VPS8: variants seen among roughly 807,000 people sequenced by gnomAD.
VPS8 encodes vacuolar protein sorting-associated protein 8 homolog.
VPS8 carries 129 observed loss-of-function variants against 216.4 expected under a neutral mutation model. The ratio of observed to expected loss-of-function variants is 0.60; its 90% CI spans 0.52 to 0.69. The LOEUF (loss-of-function observed/expected upper bound fraction) is 0.69, where lower values mean the gene tolerates loss of function less well. Among genes scored for constraint, VPS8 ranks in the 30% least tolerant of loss-of-function variants. The pLI, the probability that VPS8 is intolerant of heterozygous loss-of-function variation, is 0.00. For synonymous variants in VPS8, 571 were observed against 565.4 expected, an observed-to-expected ratio of 1.01 and a Z score of -0.14; for missense variants, 1,531 against 1,683.5, an observed-to-expected ratio of 0.91 and a Z score of 1.59.
rs773569461 is a variant in VPS8, at chr3:184,913,567, ATTGT to A, written c.2189+9_2189+12del. On this transcript the variant is annotated splice_region_variant and intron_variant, in intron 26 of 47. Coordinates refer to ENST00000625842, the MANE Select transcript of VPS8 (RefSeq NM_001009921.3). ...AAGCTCCTTGTATATATTAGGTAAG[ATTGT>A]TTTATTTATTCATCTGCATGTATGT... 9 of 1,563,576 alleles carry A rather than the reference ATTGT, an allele frequency of 5.8e-6. No homozygotes were observed. Among genetic ancestry groups the A allele is most frequent in the Non-Finnish European group, 7.8e-6 (9 of 1,151,760 alleles).
At chr3:185,025,213 C>T (rs1757182761) in intron 46 of VPS8, among the ~76,000 whole-genome samples, 1 of 152,164 alleles carries the variant, frequency 6.6e-6, no homozygotes, top group South Asian at 2.1e-4. Flanking sequence ...CTGAGTGATG[C>T]ATAGATGATG....
Position 184,911,772 on chromosome 3 carries a change from A to T in VPS8, c.2147-1747A>T, listed in dbSNP as rs9682273. On this transcript the variant is annotated intron_variant, in intron 25 of 47. Coordinates refer to ENST00000625842, the MANE Select transcript of VPS8 (RefSeq NM_001009921.3). ...ATCTGGCCCCCTTGATTTACAAGAC[A>T]TTAAGGACTCCTTACCCACCCCTCT... Among the ~76,000 whole-genome samples, 711 of 152,294 alleles carry T rather than the reference A, an allele frequency of 4.7e-3. 7 individuals are homozygous for T. Among genetic ancestry groups the T allele is most frequent in the African/African-American group, 0.016 (667 of 41,556 alleles).
intron 45 of VPS8, among the ~76,000 whole-genome samples, chr3:185,017,489 C>T (rs1449334152): frequency 6.6e-6 from 1 of 152,172 alleles, no homozygotes; most frequent in African/African-American, 2.4e-5. Flanking sequence ...ACGGCACAAT[C>T]AGGAGCTGTG....
At chr3:184,830,179 A>C (rs1719689721) in intron 3 of VPS8, among the ~76,000 whole-genome samples, 1 of 152,134 alleles carries the variant, frequency 6.6e-6, no homozygotes, top group African/African-American at 2.4e-5. Flanking sequence ...TGGGTGTGAT[A>C]GTGTGAGCTA....
intron 39 of VPS8, among the ~76,000 whole-genome samples, chr3:184,968,900 T>A (rs1431129374): frequency 6.6e-6 from 1 of 152,210 alleles, no homozygotes. Flanking sequence ...ATTTTTGTAT[T>A]AAGGTCCTAG....
At chr3:185,002,358 C>T (rs1356092071) in intron 45 of VPS8, among the ~76,000 whole-genome samples, 2 of 152,180 alleles carry the variant, frequency 1.3e-5, no homozygotes, top group Non-Finnish European at 2.9e-5. Flanking sequence ...TTCCCCACAC[C>T]TCTTGCAGTG....
chr3:184,881,604 A>G (rs571711871), intron 21 of VPS8, among the ~76,000 whole-genome samples: 3 of 152,194 alleles, frequency 2.0e-5, no homozygotes, highest in African/African-American at 7.2e-5. Flanking sequence ...CTTTATGAAA[A>G]TTGCTTCAAC....
At chr3:184,867,131 CAT>C (rs1214627631) in intron 17 of VPS8, among the ~76,000 whole-genome samples, 181 bp downstream of exon 17, 1 of 152,160 alleles carries the variant, frequency 6.6e-6, no homozygotes, top group Non-Finnish European at 1.5e-5. Context: ...TACTTTTAGA[CAT>C]ATTCTTTACT....
chr3:185,037,853 T>G (rs1362572093), intron 46 of VPS8, among the ~76,000 whole-genome samples: 1 of 152,230 alleles, frequency 6.6e-6, no homozygotes, highest in African/African-American at 2.4e-5. Context: ...TGATGTTATA[T>G]TGTCATCATA....
chr3:185,030,806 A>T (rs1334345090), intron 46 of VPS8, among the ~76,000 whole-genome samples: 3 of 152,156 alleles, frequency 2.0e-5, no homozygotes, highest in African/African-American at 7.2e-5. Flanking sequence ...TGTGTTGCCA[A>T]GGCTGGAGTG....
At chr3:184,823,205 C>T (rs1314870970) in intron 1 of VPS8, among the ~76,000 whole-genome samples, 3 of 152,274 alleles carry the variant, frequency 2.0e-5, no homozygotes, top group Non-Finnish European at 4.4e-5. Context: ...AATCTCAGTT[C>T]ACTTTTTAAA....
At chr3:184,867,932 A>T (rs1021182169) in intron 17 of VPS8, 92 bp from the exon 18 acceptor site, 58 of 1,285,498 alleles carry the variant, frequency 4.5e-5, no homozygotes, top group Non-Finnish European at 6.2e-5. Flanking sequence ...ACTTAAAGGG[A>T]TATCAAATGA....
intron 23 of VPS8, among the ~76,000 whole-genome samples, chr3:184,896,423 A>G (rs1733484136): frequency 6.6e-6 from 1 of 152,166 alleles, no homozygotes; most frequent in South Asian, 2.1e-4. Context: ...TCTCCATATC[A>G]AGACTTCTCC....
intron 7 of VPS8, chr3:184,840,041 T>C (rs1721829582): frequency 4.1e-6 from 2 of 490,550 alleles, no homozygotes; most frequent in Non-Finnish European, 5.6e-6. Flanking sequence ...CCTTGGGTTA[T>C]CATCTTGTCT....
intron 46 of VPS8, among the ~76,000 whole-genome samples, chr3:185,033,188 T>C (rs1758418483): frequency 6.6e-6 from 1 of 152,228 alleles, no homozygotes; most frequent in Admixed American, 6.5e-5. Context: ...CTGTTGTATA[T>C]TCTGTGAGTT....
intron 45 of VPS8, among the ~76,000 whole-genome samples, chr3:185,020,223 A>G (rs1756449713): frequency 6.6e-6 from 1 of 152,210 alleles, no homozygotes; most frequent in South Asian, 2.1e-4. Flanking sequence ...TAGTTATGGT[A>G]TGTCTAGGCA....
At chr3:185,031,082 T>TTG (rs1377240614) in intron 46 of VPS8, among the ~76,000 whole-genome samples, 8 of 148,940 alleles carry the variant, frequency 5.4e-5, no homozygotes, top group African/African-American at 2.0e-4. Context: ...TTTTTTTTTT[T>TTG]TTTTTTTTTA....
chr3:184,868,962 T>C lies in VPS8; in HGVS notation c.1523T>C (p.Leu508Pro). ...CCGTTTTAGAGAGTGGATCATCTCCTGAAACAAGATTGTCTTACAGAAGCG... is the reference window on the plus strand; with the variant it reads ...CCGTTTTAGAGAGTGGATCATCTCCCGAAACAAGATTGTCTTACAGAAGCG... ...RSWRERVDHLLKQDCLTEALA... is the reference protein window; with the variant it reads ...RSWRERVDHLPKQDCLTEALA... The change falls in exon 19 of 48, where the codon CTG (leucine) becomes CCG (proline). Residue 508 changes from leucine to proline, a missense_variant. Transcript: ENST00000625842. 6.2e-7 allele frequency: 1 copy of C among 1,609,328 alleles called. No homozygotes were observed.
intron 45 of VPS8, among the ~76,000 whole-genome samples, chr3:185,015,345 A>G (rs866903295): frequency 6.6e-6 from 1 of 152,342 alleles, no homozygotes; most frequent in Middle Eastern, 3.4e-3. Flanking sequence ...CAATTGGGTA[A>G]ATAAAGTCAT....
Sources: allele counts gnomAD v4.1 joint callset (sites outside exome capture counted in the v4.1 genomes callset), GRCh38; gene constraint gnomAD v4.1.1; transcripts MANE v1.5; gene names NCBI Gene and HGNC (gene_info 2026-07-23, HGNC 2026-07-21).